Variants in CCDC83 observed in about 807,000 individuals in gnomAD.
CCDC83 encodes the protein coiled-coil domain containing 83.
Under a neutral mutation model 50.1 loss-of-function variants are expected in CCDC83, and 54 were observed. The observed-to-expected ratio is 1.08, with a 90% CI of 0.87 to 1.35. The LOEUF (loss-of-function observed/expected upper bound fraction) is 1.35. Ranked by LOEUF, CCDC83 falls within the 40% of genes most tolerant of loss-of-function variation. The pLI is 0.00. For synonymous variants in CCDC83, 161 were observed against 153.3 expected (o/e 1.05, Z -0.37); for missense variants, 518 against 473.9 (o/e 1.09, Z -0.86).
At chr11:85,901,063 T>C (rs1442665209) in intron 7 of CCDC83, among the ~76,000 whole-genome samples, 1 of 136,018 alleles carries the variant, frequency 7.4e-6, no homozygotes, top group Non-Finnish European at 1.6e-5. Context: ...AGACCCTGTC[T>C]AAAAAAAAAA....
chr11:85,919,732 T>C lies in CCDC83; in HGVS notation c.*222T>C, dbSNP rs2093499769. The C allele has an allele frequency of 2.1e-6, 1 of 478,030 alleles. No homozygotes were observed. The highest frequency in any genetic ancestry group is 3.7e-6 in the Non-Finnish European group (1 of 272,180). The allele number at this position is 478,030 out of a possible 1,614,324, so 29.6% of individuals were successfully genotyped here. Reference sequence around the variant, plus strand: ...CACGCTTTGTATTTCTACACTGAAGTATTCAGAAGCATGACAGTGGGTTCA... The same window carrying C: ...CACGCTTTGTATTTCTACACTGAAGCATTCAGAAGCATGACAGTGGGTTCA... On this transcript the variant is annotated 3_prime_UTR_variant, in exon 11 of 11. Transcript: ENST00000342404.
rs1323382004 is a variant in CCDC83, at chr11:85,908,422, G to A, written c.673-2859G>A. 2.6e-5 allele frequency among the ~76,000 whole-genome samples: 4 copies of A among 151,992 alleles called. No individual in the cohort carries two copies. The East Asian group carries it at 5.8e-4, about 22-fold the overall frequency. On this transcript the variant is annotated intron_variant, in intron 7 of 10. Transcript: ENST00000342404. ...AAAAAAAATAGCTGGGCATGGTGGC[G>A]GGCGCCCGTGGAAGGCACCCGTGGA... is the stretch of plus-strand genomic sequence containing the variant.
intron 3 of CCDC83, among the ~76,000 whole-genome samples, chr11:85,875,878 C>A (rs1053031356): frequency 6.6e-6 from 1 of 152,186 alleles, no homozygotes; most frequent in African/African-American, 2.4e-5. Context: ...CATTGCTCCA[C>A]CTACCTCATT....
chr11:85,897,281 T>C lies in CCDC83; in HGVS notation c.604-1666T>C, dbSNP rs576421139. Among the ~76,000 whole-genome samples, 10 of 152,196 alleles carry C rather than the reference T, an allele frequency of 6.6e-5. No individual in the cohort carries two copies. The South Asian group carries it at 2.1e-3, about 32-fold the overall frequency. On this transcript the variant is annotated intron_variant, in intron 6 of 10. Coordinates refer to ENST00000342404, the MANE Select transcript of CCDC83 (RefSeq NM_001286159.2). ...ATGAGGAGACTGGAGCACAGAGAAG[T>C]TTTATGACTTGCCTAGAGCAAGTGG... is the stretch of plus-strand genomic sequence containing the variant.
At chr11:85,880,690 T>C (rs1048674078) in intron 3 of CCDC83, among the ~76,000 whole-genome samples, 3 of 152,010 alleles carry the variant, frequency 2.0e-5, no homozygotes, top group African/African-American at 7.3e-5. Context: ...AGTTCTTTAT[T>C]TTCATCACAT....
intron 2 of CCDC83, among the ~76,000 whole-genome samples, chr11:85,868,703 G>A (rs766506290): frequency 5.9e-5 from 9 of 152,108 alleles, no homozygotes; most frequent in Middle Eastern, 3.2e-3. Context: ...ATAGAGACAG[G>A]GTCTCCCTAT....
In CCDC83 at chr11:85,901,893, T is replaced by C. The variant is rs187746226; in HGVS notation, c.672+2878T>C. On this transcript the variant is annotated intron_variant, in intron 7 of 10. Transcript: ENST00000342404. Reference sequence around the variant, plus strand: ...AAAATAAAAAAAAATTAGCCAGGCATGGTGGTGCAGGCCTGTGGTCTCAGC... The same window carrying C: ...AAAATAAAAAAAAATTAGCCAGGCACGGTGGTGCAGGCCTGTGGTCTCAGC... Among the ~76,000 whole-genome samples the C allele has an allele frequency of 6.5e-3, 986 of 151,286 alleles. 17 individuals are homozygous for C. The highest frequency in any genetic ancestry group is 0.023 in the African/African-American group (952 of 41,034).
intron 2 of CCDC83, among the ~76,000 whole-genome samples, chr11:85,872,294 G>A (rs986986105): frequency 1.3e-5 from 2 of 152,074 alleles, no homozygotes; most frequent in African/African-American, 2.4e-5. Flanking sequence ...AGACCAGCCT[G>A]GCCAACATGG....
At chr11:85,913,816 G>A (rs1011490806) in intron 8 of CCDC83, among the ~76,000 whole-genome samples, 2 of 152,164 alleles carry the variant, frequency 1.3e-5, no homozygotes, top group Admixed American at 1.3e-4. Flanking sequence ...GGCTAAGTGG[G>A]CCAACACCTA....
At chr11:85,902,687 A>G (rs892356605) in intron 7 of CCDC83, among the ~76,000 whole-genome samples, 3 of 152,100 alleles carry the variant, frequency 2.0e-5, no homozygotes, top group African/African-American at 7.2e-5. Flanking sequence ...CCCAAGCCAG[A>G]AACTTGGGAG....
intron 6 of CCDC83, among the ~76,000 whole-genome samples, chr11:85,896,850 G>C (rs1247994370): frequency 6.6e-6 from 1 of 151,610 alleles, no homozygotes; most frequent in Non-Finnish European, 1.5e-5. Context: ...GTTCATCTGG[G>C]ACATTTCTGT....
At position 85,869,530 on chromosome 11, in the gene CCDC83, G is replaced by C. The variant is rs146770851; in HGVS notation, c.96-3681G>C. Reference sequence around the variant, plus strand: ...GAATTTTCAATGAAATTGCATGGGTGGGGGGAACATTGACACATTACTAAC... The same window carrying C: ...GAATTTTCAATGAAATTGCATGGGTCGGGGGAACATTGACACATTACTAAC... On this transcript the variant is annotated intron_variant, in intron 2 of 10. Coordinates refer to ENST00000342404, the MANE Select transcript of CCDC83 (RefSeq NM_001286159.2). Among the ~76,000 whole-genome samples, 1,155 of 152,288 alleles carry C rather than the reference G, an allele frequency of 7.6e-3. 21 individuals are homozygous for C. Among genetic ancestry groups the C allele is most frequent in the African/African-American group, 0.026 (1,089 of 41,552 alleles).
intron 3 of CCDC83, among the ~76,000 whole-genome samples, chr11:85,881,120 G>A (rs913015213): frequency 2.7e-4 from 41 of 152,114 alleles, no homozygotes; most frequent in African/African-American, 8.7e-4. Context: ...TGTAGTCCCA[G>A]CACTTTGGGA....
chr11:85,902,485 G>A (rs1277339061), intron 7 of CCDC83, among the ~76,000 whole-genome samples: 1 of 152,124 alleles, frequency 6.6e-6, no homozygotes, highest in Non-Finnish European at 1.5e-5. Context: ...TGTGTTGCAG[G>A]CCTAAAAAGC....
intron 1 of CCDC83, among the ~76,000 whole-genome samples, chr11:85,861,978 G>A (rs1017867837): frequency 3.5e-5 from 5 of 144,800 alleles, no homozygotes; most frequent in East Asian, 2.0e-4. Context: ...CTTGGGCGAC[G>A]GAGCCAGACC....
intron 7 of CCDC83, among the ~76,000 whole-genome samples, chr11:85,904,256 A>G (rs2093415384): frequency 6.6e-6 from 1 of 152,236 alleles, no homozygotes; most frequent in African/African-American, 2.4e-5. Context: ...TTCCTCTATT[A>G]CTGACATCTT....
At chr11:85,908,922 G>A (rs1456443038) in intron 7 of CCDC83, among the ~76,000 whole-genome samples, 1 of 151,658 alleles carries the variant, frequency 6.6e-6, no homozygotes, top group Admixed American at 6.6e-5. Flanking sequence ...TCATGTTTTT[G>A]GTTTTTTTGG....
At chr11:85,876,565 C>T (rs534486115) in intron 3 of CCDC83, among the ~76,000 whole-genome samples, 3 of 152,284 alleles carry the variant, frequency 2.0e-5, no homozygotes, top group East Asian at 1.9e-4. Flanking sequence ...AGTGCAGTGG[C>T]GCGATCTCTG....
At chr11:85,879,701 C>T (rs1050214697) in intron 3 of CCDC83, among the ~76,000 whole-genome samples, 2 of 151,902 alleles carry the variant, frequency 1.3e-5, no homozygotes, top group African/African-American at 4.8e-5. Context: ...CTCACTGCAA[C>T]CTCTACCTCC....
Sources: allele counts gnomAD v4.1 joint callset (sites outside exome capture counted in the v4.1 genomes callset), GRCh38; gene constraint gnomAD v4.1.1; transcripts MANE v1.5; gene names NCBI Gene and HGNC (gene_info 2026-07-23, HGNC 2026-07-21).